SLC24A1: variants seen among roughly 807,000 people sequenced by gnomAD.
SLC24A1 encodes solute carrier family 24 member 1.
A neutral mutation model predicts 88.1 loss-of-function variants in SLC24A1; 52 were observed. The ratio of observed to expected loss-of-function variants is 0.59; its 90% CI spans 0.47 to 0.74. The LOEUF is 0.74. Among genes scored for constraint, SLC24A1 ranks in the 30% least tolerant of loss-of-function variants. The pLI is 0.00. For synonymous variants in SLC24A1, 455 were observed against 498.0 expected (o/e 0.91, Z 1.15); for missense variants, 1,173 against 1,363.3 (o/e 0.86, Z 2.20).
intron 7 of SLC24A1, 42 bp from the exon 8 acceptor site, chr15:65,651,628 C>T (rs748971735): frequency 2.4e-5 from 25 of 1,051,216 alleles, no homozygotes; most frequent in Middle Eastern, 2.3e-4. Context: ...GACCTTTTAA[C>T]CTCTACAGCT....
At chr15:65,639,540 T>C in intron 3 of SLC24A1, 55 bp from the exon 4 acceptor site, 1 of 1,112,546 alleles carries the variant, frequency 9.0e-7, no homozygotes, top group Non-Finnish European at 1.3e-6. Flanking sequence ...TGCCCTCGTG[T>C]GGTTCCTCCC....
intron 8 of SLC24A1, 181 bp from the exon 9 acceptor site, chr15:65,652,461 G>A (rs972747544): frequency 1.8e-6 from 1 of 553,590 alleles, no homozygotes; most frequent in Non-Finnish European, 3.2e-6. Flanking sequence ...CAGGAGTCTT[G>A]CTTGCTCTTC....
In SLC24A1 at chr15:65,650,738, AGAG is replaced by A. The variant is rs1566965504; in HGVS notation, c.2598_2600del (p.Glu868del). ...ATGGAGGGGATAGCGAAGAGGAGGA[AGAG>A]GAGGAGGAAGAGCAGGAGGAAGAGG... is the stretch of plus-strand genomic sequence containing the variant. On this transcript the variant is annotated inframe_deletion, in exon 7 of 10. Coordinates refer to ENST00000261892, the MANE Select transcript of SLC24A1 (RefSeq NM_004727.3). The surrounding 1 kb of genome is among the most constrained non-coding windows in gnomAD (Gnocchi z 4.1). 3.1e-6 allele frequency: 5 copies of A among 1,590,872 alleles called. No homozygotes were observed. Among genetic ancestry groups the A allele is most frequent in the Admixed American group, 1.8e-5 (1 of 55,944 alleles).
chr15:65,651,381 A>G (rs1037098412), intron 7 of SLC24A1, among the ~76,000 whole-genome samples: 2 of 152,198 alleles, frequency 1.3e-5, no homozygotes, highest in African/African-American at 4.8e-5. Flanking sequence ...AAGCCAAACC[A>G]GATACCTAGA....
Position 65,625,385 on chromosome 15 carries a change from C to G in SLC24A1, c.1305C>G (p.His435Gln), listed in dbSNP as rs770840000. The G allele has an allele frequency of 6.2e-7, 1 of 1,614,046 alleles. No individual in the cohort carries two copies. The highest frequency in any genetic ancestry group is 8.5e-7 in the Non-Finnish European group (1 of 1,179,894). ...TGCCTCCCAGCTTGCCAGACCTCCACCCCAAGGGAGAGTACCCCCCAGATC... is the reference window on the plus strand; with the variant it reads ...TGCCTCCCAGCTTGCCAGACCTCCAGCCCAAGGGAGAGTACCCCCCAGATC... ...SVLPPSLPDL[H>Q]PKGEYPPDLF... Residue 435 changes from histidine to glutamine, a missense_variant, in exon 2 of 10, where the codon CAC becomes CAG. His to Gln is a conservative substitution (Grantham distance 24). Coordinates refer to ENST00000261892, the MANE Select transcript of SLC24A1 (RefSeq NM_004727.3).
intron 2 of SLC24A1, among the ~76,000 whole-genome samples, chr15:65,627,250 C>T (rs2074550717): frequency 6.6e-6 from 1 of 152,210 alleles, no homozygotes; most frequent in Non-Finnish European, 1.5e-5. Flanking sequence ...GTCCTTTGCC[C>T]TCTCTAGGAG....
intron 4 of SLC24A1, 80 bp downstream of exon 4, chr15:65,639,783 G>GA: frequency 1.1e-6 from 1 of 888,978 alleles, no homozygotes; most frequent in Admixed American, 2.0e-5. Context: ...ACTGGGACCT[G>GA]AAAATCCTAG....
intron 2 of SLC24A1, among the ~76,000 whole-genome samples, chr15:65,614,981 G>A (rs999969205): frequency 8.5e-5 from 13 of 152,276 alleles, no homozygotes; most frequent in East Asian, 5.8e-4. Flanking sequence ...TTCGGGAGGC[G>A]GAGGCAGGAG....
chr15:65,617,171 T>G (rs1249661027), upstream of SLC24A1, among the ~76,000 whole-genome samples: 1 of 152,216 alleles, frequency 6.6e-6, no homozygotes, highest in Non-Finnish European at 1.5e-5. Flanking sequence ...GCCTCCAGCT[T>G]TGTTCTTTTT....
Position 65,652,695 on chromosome 15 carries a change from A to G in SLC24A1, c.2937A>G (p.Ala979=), listed in dbSNP as rs1410102930. 1.9e-6 allele frequency: 3 copies of G among 1,613,948 alleles called. No individual in the cohort carries two copies. Among genetic ancestry groups the G allele is most frequent in the Non-Finnish European group, 2.5e-6 (3 of 1,179,832 alleles). ...AGATCATGGGCCTGACAATCCTTGC[A>G]GCAGGCACATCAATTCCTGACCTCA... The part of the protein sequence containing the change: ...SEEIMGLTIL[A]AGTSIPDLIT... The change falls in exon 9 of 10, where the codon GCA becomes GCG. Residue 979 remains alanine, a synonymous_variant. Coordinates refer to ENST00000261892, the MANE Select transcript of SLC24A1 (RefSeq NM_004727.3).
downstream of SLC24A1, chr15:65,659,322 G>GTTTTTTTTTTTTTT (rs869058369): frequency 1.4e-5 from 1 of 71,604 alleles, no homozygotes; most frequent in East Asian, 3.4e-4. Context: ...ATATTTTCTG[G>GTTTTTTTTTTTTTT]TTTTTTTTTT....
chr15:65,620,066 A>G (rs2074270533), upstream of SLC24A1, among the ~76,000 whole-genome samples: 1 of 149,896 alleles, frequency 6.7e-6, no homozygotes, highest in Non-Finnish European at 1.5e-5. Flanking sequence ...TATTTAATAT[A>G]TATAAAATGT....
chr15:65,651,117 GGGGAC>G (rs1161099336), intron 7 of SLC24A1, among the ~76,000 whole-genome samples, 175 bp downstream of exon 7: 6 of 152,160 alleles, frequency 3.9e-5, no homozygotes, highest in Non-Finnish European at 7.4e-5. Context: ...TATGTGCTTA[GGGGAC>G]ATACCACTGG....
At position 65,644,644 on chromosome 15, in the gene SLC24A1, CAGTT is replaced by C. The variant is rs1046641497; in HGVS notation, c.2140+134_2140+137del. On this transcript the variant is annotated intron_variant, in intron 5 of 9. Coordinates refer to ENST00000261892, the MANE Select transcript of SLC24A1 (RefSeq NM_004727.3). ...ACATCTTTGGCCTCTGTGAGCCAGT[CAGTT>C]AGAGTGATGGTAGGGTGTTGCCCTG... The C allele has an allele frequency of 8.2e-5, 53 of 644,640 alleles. No homozygotes were observed. In the Admixed American group the frequency reaches 9.2e-4, roughly 11 times the overall value. The allele number at this position is 644,640 out of a possible 1,614,324, so 39.9% of individuals were successfully genotyped here. A position where few individuals can be genotyped will look rare whatever the true frequency, so the allele number is the denominator to read the frequency against.
At chr15:65,647,287 G>A (rs1280696242) in intron 6 of SLC24A1, among the ~76,000 whole-genome samples, 1 of 151,962 alleles carries the variant, frequency 6.6e-6, no homozygotes, top group South Asian at 2.1e-4. Flanking sequence ...AGACCAGCCT[G>A]GCCAACATGG....
chr15:65,622,335 T>A (rs2074347198), intron 1 of SLC24A1, among the ~76,000 whole-genome samples: 1 of 152,184 alleles, frequency 6.6e-6, no homozygotes, highest in Non-Finnish European at 1.5e-5. Flanking sequence ...CTTTTGCTTG[T>A]CCCTCTCTTG....
At chr15:65,653,317 G>A (rs990194498) in intron 9 of SLC24A1, among the ~76,000 whole-genome samples, 1 of 152,176 alleles carries the variant, frequency 6.6e-6, no homozygotes, top group Non-Finnish European at 1.5e-5. Flanking sequence ...ATCATGTTCT[G>A]AATTTGGGTG....
intron 9 of SLC24A1, among the ~76,000 whole-genome samples, chr15:65,653,509 T>G (rs1275982716): frequency 1.5e-5 from 2 of 137,164 alleles, no homozygotes; most frequent in Non-Finnish European, 3.2e-5. Context: ...TTCCAGCATT[T>G]AAAAAAAAAA....
upstream of SLC24A1, among the ~76,000 whole-genome samples, chr15:65,619,729 G>T (rs983385629): frequency 1.3e-4 from 20 of 152,146 alleles, no homozygotes; most frequent in African/African-American, 4.6e-4. Flanking sequence ...GTTAGGAAAG[G>T]CCTAGAGCTT....
Sources: allele counts gnomAD v4.1 joint callset (sites outside exome capture counted in the v4.1 genomes callset), GRCh38; gene constraint gnomAD v4.1.1; non-coding constraint Gnocchi (gnomAD v3.1); transcripts MANE v1.5; gene names NCBI Gene and HGNC (gene_info 2026-07-23, HGNC 2026-07-21).